The following SPNS2 variants were observed in gnomAD, a reference collection of about 807,000 sequenced individuals.
SPNS2 encodes sphingosine-1-phosphate transporter SPNS2.
A neutral mutation model predicts 57.6 loss-of-function variants in SPNS2; 37 were observed. The ratio of observed to expected loss-of-function variants is 0.64; its 90% CI spans 0.49 to 0.85. The LOEUF is 0.85. Among genes scored for constraint, SPNS2 ranks in the 40% least tolerant of loss-of-function variants. The probability of loss-of-function intolerance (pLI) is 0.00; values close to 1 mark genes in which losing one functional copy is unlikely to be tolerated. For synonymous variants in SPNS2, 440 were observed against 346.9 expected, an observed-to-expected ratio of 1.27 and a Z score of -2.98; for missense variants, 831 against 779.1, an observed-to-expected ratio of 1.07 and a Z score of -0.79.
At chr17:4,526,614 AAAG>A (rs1905269138) in intron 3 of SPNS2, among the ~76,000 whole-genome samples, 1 of 151,946 alleles carries the variant, frequency 6.6e-6, no homozygotes, top group Non-Finnish European at 1.5e-5. Context: ...AAAAAAAAAA[AAAG>A]AAAAAGAAAG....
At chr17:4,529,825 G>GGGGTC (rs1366491591) in intron 3 of SPNS2, among the ~76,000 whole-genome samples, 1 of 152,208 alleles carries the variant, frequency 6.6e-6, no homozygotes, top group African/African-American at 2.4e-5. Flanking sequence ...CAAGCATGAA[G>GGGGTC]GGGTCAGAGA....
chr17:4,499,798 T>G lies in SPNS2; in HGVS notation c.370+381T>G. 5 of 169,010 alleles carry G rather than the reference T, an allele frequency of 3.0e-5. No homozygotes were observed. The highest frequency in any genetic ancestry group is 6.3e-5 in the Non-Finnish European group (5 of 79,292). The allele number at this position is 169,010 out of a possible 1,614,324, so 10.5% of individuals were successfully genotyped here. A position where few individuals can be genotyped will look rare whatever the true frequency, so the allele number is the denominator to read the frequency against. ...CTGCCGGTTCCCGGGCCTCCTTCCC[T>G]TCCCTTCCCCCAGCCCAGGTCGTCT... On this transcript the variant is annotated intron_variant, in intron 1 of 12. Transcript: ENST00000329078. This position sits in a 1 kb window ranked among gnomAD's most constrained non-coding sequence, Gnocchi z 5.2.
chr17:4,521,025 T>G (rs1049968947), intron 2 of SPNS2, among the ~76,000 whole-genome samples: 2 of 152,210 alleles, frequency 1.3e-5, no homozygotes, highest in African/African-American at 4.8e-5. Flanking sequence ...TTAAGTATTA[T>G]CTTAGCGGTA....
intron 1 of SPNS2, among the ~76,000 whole-genome samples, chr17:4,503,982 C>CTTT (rs35585489): frequency 0.24 from 33,117 of 137,574 alleles, 4,598 homozygotes; most frequent in African/African-American, 0.31. Context: ...CTCCTATTGG[C>CTTT]TTTTTTTTTT....
chr17:4,527,949 CAAA>C (rs34927238), intron 3 of SPNS2, among the ~76,000 whole-genome samples: 9 of 128,646 alleles, frequency 7.0e-5, no homozygotes, highest in Admixed American at 1.5e-4. Flanking sequence ...CTGGAATAGC[CAAA>C]AAAAAAAAAA....
At position 4,538,930 on chromosome 17, in the gene SPNS2, A is replaced by C. The variant is rs985249274; in HGVS notation, c.*1482A>C. 6 of 782,960 alleles carry C rather than the reference A, an allele frequency of 7.7e-6. No homozygotes were observed. The highest frequency in any genetic ancestry group is 6.8e-5 in the Admixed American group (4 of 59,014). The allele number at this position is 782,960 out of a possible 1,614,324, so 48.5% of individuals were successfully genotyped here. On this transcript the variant is annotated 3_prime_UTR_variant, in exon 13 of 13. Transcript: ENST00000329078. ...TGCCTCCTCTTCCTTCCGGAAGCCA[A>C]ACTGCTCCTTTATTTTTTAGAGCTG...
chr17:4,536,517 A>C (rs576420889), intron 11 of SPNS2, 91 bp downstream of exon 11: 49 of 1,405,386 alleles, frequency 3.5e-5, no homozygotes, highest in Non-Finnish European at 4.8e-5. Context: ...TGGGGCGGGG[A>C]GGGTACAGAC....
rs1298682843 is a variant in SPNS2 at position 4,502,366 on chromosome 17, T to G, written c.370+2949T>G. On this transcript the variant is annotated intron_variant, in intron 1 of 12. Coordinates refer to ENST00000329078, the MANE Select transcript of SPNS2 (RefSeq NM_001124758.3). Reference sequence around the variant, plus strand: ...CTGTACTCCAGCCTGGGTGACAGAGTGAGGCTCTGTCTCAAAAAAAAAAAA... The same window carrying G: ...CTGTACTCCAGCCTGGGTGACAGAGGGAGGCTCTGTCTCAAAAAAAAAAAA... Among the ~76,000 whole-genome samples the G allele has an allele frequency of 1.0e-4, 14 of 135,816 alleles. No homozygotes were observed. The East Asian group carries it at 3.1e-3, about 30-fold the overall frequency. 89.1% of individuals were successfully genotyped at this position (135,816 alleles called of 152,430 possible). A position where few individuals can be genotyped will look rare whatever the true frequency, so the allele number is the denominator to read the frequency against.
In SPNS2 at chr17:4,536,435, G is replaced by C. The variant is rs202095554; in HGVS notation, c.1607+9G>C. ...GCCAGGGCTGAGCAGCAGTGAGTGGGGGGGAGGGGAGGCCCTGCTGCACCG... is the reference window on the plus strand; with the variant it reads ...GCCAGGGCTGAGCAGCAGTGAGTGGCGGGGAGGGGAGGCCCTGCTGCACCG... On this transcript the variant is annotated intron_variant, in intron 11 of 12. Transcript: ENST00000329078. The C allele has an allele frequency of 1.2e-3, 1,894 of 1,592,042 alleles. 11 individuals are homozygous for C. Among genetic ancestry groups the C allele is most frequent in the Middle Eastern group, 8.0e-3 (48 of 5,968 alleles).
intron 2 of SPNS2, 44 bp downstream of exon 2, chr17:4,513,356 C>T (rs557007146): frequency 1.9e-5 from 30 of 1,603,116 alleles, no homozygotes; most frequent in Middle Eastern, 1.7e-4. Context: ...CAGGCGTTGG[C>T]GTCGTGGGTC....
At chr17:4,536,229 C>G (rs752093695) in intron 10 of SPNS2, 34 bp from the exon 11 acceptor site, 49 of 1,609,214 alleles carry the variant, frequency 3.0e-5, no homozygotes, top group Non-Finnish European at 4.1e-5. Flanking sequence ...TGCAGGAGGG[C>G]TCTGCCCTGA....
At position 4,510,687 on chromosome 17, in the gene SPNS2, T is replaced by G. The variant is rs560094883; in HGVS notation, c.371-2560T>G. Among the ~76,000 whole-genome samples, 2 of 152,126 alleles carry G rather than the reference T, an allele frequency of 1.3e-5. No individual in the cohort carries two copies. The highest frequency in any genetic ancestry group is 2.4e-5 in the African/African-American group (1 of 41,432). On this transcript the variant is annotated intron_variant, in intron 1 of 12. Transcript: ENST00000329078. This position sits in a 1 kb window ranked among gnomAD's most constrained non-coding sequence, Gnocchi z 4.4. ...TCCTGCCTCCTCCTGACTCCGCCCA[T>G]CCTCTTGTCCACCCGACACCAAAAT...
At chr17:4,513,963 G>C (rs11656547) in intron 2 of SPNS2, among the ~76,000 whole-genome samples, 37,612 of 152,096 alleles carry the variant, frequency 0.25, 5,053 homozygotes, top group South Asian at 0.41. Context: ...GGCCGGGACA[G>C]TGTGGGAGGC....
chr17:4,536,381 C>T lies in SPNS2; in HGVS notation c.1562C>T (p.Ala521Val), dbSNP rs1439505244. Residue 521 changes from alanine (A) to valine (V), a missense_variant, in exon 11 of 13, where the codon GCC becomes GTC. Transcript: ENST00000329078. ...VVVLGGMFFL[A>V]TALFFVSDRA... The stretch of plus-strand genomic sequence containing the variant: ...GTCCTGGGCGGCATGTTCTTCCTCG[C>T]CACTGCGCTCTTCTTCGTCAGCGAC... 2 of 1,607,990 alleles carry T rather than the reference C, an allele frequency of 1.2e-6. No homozygotes were observed. Among genetic ancestry groups the T allele is most frequent in the Non-Finnish European group, 1.7e-6 (2 of 1,179,906 alleles).
Position 4,536,432 on chromosome 17 carries a change from T to TCG in SPNS2, c.1607+6_1607+7insCG, listed in dbSNP as rs576318871. On this transcript the variant is annotated splice_region_variant and intron_variant, in intron 11 of 12. Transcript: ENST00000329078. ...CGCGCCAGGGCTGAGCAGCAGTGAG[T>TCG]GGGGGGGAGGGGAGGCCCTGCTGCA... 4.2e-5 allele frequency: 66 copies of TCG among 1,578,582 alleles called. No homozygotes were observed. Among genetic ancestry groups the TCG allele is most frequent in the Non-Finnish European group, 4.9e-5 (58 of 1,172,758 alleles).
At chr17:4,507,168 G>A (rs920317295) in intron 1 of SPNS2, among the ~76,000 whole-genome samples, 1 of 152,184 alleles carries the variant, frequency 6.6e-6, no homozygotes, top group Admixed American at 6.5e-5. Context: ...TAATTACCGG[G>A]GTGGGAGCTG....
rs1156790916 is a variant in SPNS2 at position 4,510,517 on chromosome 17, T to G, written c.371-2730T>G. The stretch of plus-strand genomic sequence containing the variant: ...AGTGTGCCGCTGGATAGCTGGATAC[T>G]GCAGGGAGGAAGCGAGAGTGCTTTG... On this transcript the variant is annotated intron_variant, in intron 1 of 12. Transcript: ENST00000329078. This position sits in a 1 kb window ranked among gnomAD's most constrained non-coding sequence, Gnocchi z 4.4. Among the ~76,000 whole-genome samples the G allele has an allele frequency of 2.0e-5, 3 of 152,202 alleles. No homozygotes were observed. Among genetic ancestry groups the G allele is most frequent in the Admixed American group, 2.0e-4 (3 of 15,280 alleles).
At chr17:4,522,858 A>G (rs1905173364) in intron 2 of SPNS2, among the ~76,000 whole-genome samples, 1 of 152,260 alleles carries the variant, frequency 6.6e-6, no homozygotes, top group Non-Finnish European at 1.5e-5. Flanking sequence ...CATCACTGGC[A>G]GTGGCCTCCC....
chr17:4,535,869 T>G (rs1597371543), intron 9 of SPNS2, among the ~76,000 whole-genome samples: 3 of 129,286 alleles, frequency 2.3e-5, no homozygotes, highest in Non-Finnish European at 4.8e-5. Flanking sequence ...GAAGGGTGAC[T>G]GGCAGGAGAG....
Sources: allele counts gnomAD v4.1 joint callset (sites outside exome capture counted in the v4.1 genomes callset), GRCh38; gene constraint gnomAD v4.1.1; non-coding constraint Gnocchi (gnomAD v3.1); transcripts MANE v1.5; gene names NCBI Gene and HGNC (gene_info 2026-07-23, HGNC 2026-07-21).